Variants in CAMK2G observed in about 807,000 individuals in gnomAD.
The protein encoded by CAMK2G is calcium/calmodulin dependent protein kinase II gamma.
A neutral mutation model predicts 88.7 loss-of-function variants in CAMK2G; 23 were observed. The observed-to-expected ratio is 0.26, with a 90% confidence interval of 0.19 to 0.37. CAMK2G has a LOEUF of 0.37. Among genes scored for constraint, CAMK2G ranks in the 10% least tolerant of loss-of-function variants. The pLI, the probability that CAMK2G is intolerant of heterozygous loss-of-function variation, is 1.00. For synonymous variants in CAMK2G, 263 were observed against 294.8 expected, an observed-to-expected ratio of 0.89 and a Z score of 1.11; for missense variants, 476 against 780.8, an observed-to-expected ratio of 0.61 and a Z score of 4.65.
chr10:73,860,795 A>G (rs1429239655), intron 3 of CAMK2G, 35 bp downstream of exon 3: 1 of 1,535,046 alleles, frequency 6.5e-7, no homozygotes, highest in Non-Finnish European at 9.0e-7. Flanking sequence ...GCTTCTACAA[A>G]ATACCCACAA....
chr10:73,842,634 T>C lies in CAMK2G; in HGVS notation c.820-93A>G, dbSNP rs2093890865. 3 of 868,024 alleles carry C rather than the reference T, an allele frequency of 3.5e-6. No individual in the cohort carries two copies. Among genetic ancestry groups the C allele is most frequent in the African/African-American group, 3.3e-5 (2 of 60,390 alleles). 53.8% of individuals were successfully genotyped at this position (868,024 alleles called of 1,614,324 possible). On this transcript the variant is annotated intron_variant, in intron 10 of 22. Coordinates refer to ENST00000423381, the MANE Select transcript of CAMK2G (RefSeq NM_001367534.1). This position sits in a 1 kb window ranked among gnomAD's most constrained non-coding sequence, Gnocchi z 4.6. ...CGATACCATGCCCAGGACAGGGTCATGCACTCAGCCACCCCAGAGTTGCTC... is the reference window on the plus strand; with the variant it reads ...CGATACCATGCCCAGGACAGGGTCACGCACTCAGCCACCCCAGAGTTGCTC...
intron 19 of CAMK2G, 55 bp downstream of exon 19, chr10:73,819,477 G>A: frequency 7.9e-7 from 1 of 1,266,480 alleles, no homozygotes. Context: ...GTCCCTGAGG[G>A]GCTTCAGGAC....
At chr10:73,834,748 C>T (rs1042598840) in intron 14 of CAMK2G, among the ~76,000 whole-genome samples, 1 of 152,202 alleles carries the variant, frequency 6.6e-6, no homozygotes, top group Non-Finnish European at 1.5e-5. Context: ...AAGCTGGGCC[C>T]TGGATGTGCA....
chr10:73,815,370 C>T, intron 21 of CAMK2G, 123 bp from the exon 22 acceptor site: 1 of 570,218 alleles, frequency 1.8e-6, no homozygotes, highest in East Asian at 3.0e-5. Flanking sequence ...CCAAGTACCG[C>T]CCCCCCCCAC....
chr10:73,849,100 G>A lies in CAMK2G; in HGVS notation c.430C>T (p.Leu144=), dbSNP rs748230038. The A allele has an allele frequency of 1.2e-5, 19 of 1,613,860 alleles. No homozygotes were observed. In the East Asian group the frequency reaches 3.8e-4, roughly 32 times the overall value. ...GCGGCACCCTTGCATTTACTCGCCA[G>A]CAGCAGGTTCTCAGGCTGCAGAAGA... is the stretch of plus-strand genomic sequence containing the variant. ...HRDLKPENLL[L]ASKCKGAAVK... The change falls in exon 7 of 23, where the codon CTG becomes TTG. Residue 144 remains leucine, a synonymous_variant. Coordinates refer to ENST00000423381, the MANE Select transcript of CAMK2G (RefSeq NM_001367534.1).
intron 14 of CAMK2G, 38 bp from the exon 15 acceptor site, chr10:73,828,159 A>G (rs1237647665): frequency 6.4e-7 from 1 of 1,571,896 alleles, no homozygotes; most frequent in East Asian, 2.2e-5. Flanking sequence ...AGAAGGGGAA[A>G]GAGGAGGTAA....
Position 73,873,098 on chromosome 10 carries a change from G to A in CAMK2G, c.66-15C>T. The A allele has an allele frequency of 6.4e-7, 1 of 1,565,550 alleles. No individual in the cohort carries two copies. Among genetic ancestry groups the A allele is most frequent in the Non-Finnish European group, 8.8e-7 (1 of 1,136,054 alleles). On this transcript the variant is annotated splice_polypyrimidine_tract_variant and intron_variant, in intron 1 of 22. Transcript: ENST00000423381. ...AGAAAGCACCCCTGGAGGGAGAAGGGGAAAAGAACTGGGACACGGAGCAGG... is the reference window on the plus strand; with the variant it reads ...AGAAAGCACCCCTGGAGGGAGAAGGAGAAAAGAACTGGGACACGGAGCAGG...
At chr10:73,865,879 C>T (rs561382858) in intron 2 of CAMK2G, among the ~76,000 whole-genome samples, 8 of 152,024 alleles carry the variant, frequency 5.3e-5, no homozygotes, top group Middle Eastern at 3.4e-3. Flanking sequence ...ACAGCCCAGC[C>T]CCCCCCTTCC....
At chr10:73,858,661 C>A (rs2095216932) in intron 3 of CAMK2G, among the ~76,000 whole-genome samples, 1 of 152,198 alleles carries the variant, frequency 6.6e-6, no homozygotes, top group African/African-American at 2.4e-5. Flanking sequence ...TGTGCCCCAC[C>A]TGGCCTCTGA....
intron 21 of CAMK2G, chr10:73,815,840 A>T: frequency 1.0e-6 from 1 of 985,616 alleles, no homozygotes; most frequent in Non-Finnish European, 1.2e-6. Context: ...AAAAGGCAAA[A>T]GAAGTTGGAT....
At chr10:73,843,729 C>G (rs2093998421) in intron 10 of CAMK2G, among the ~76,000 whole-genome samples, 1 of 152,070 alleles carries the variant, frequency 6.6e-6, no homozygotes, top group African/African-American at 2.4e-5. Context: ...TTTCCCTCAC[C>G]CTTGGCCCAC....
chr10:73,869,399 T>C (rs1271853659), intron 2 of CAMK2G, among the ~76,000 whole-genome samples: 1 of 152,234 alleles, frequency 6.6e-6, no homozygotes, highest in African/African-American at 2.4e-5. Context: ...CTCTGCCTTA[T>C]GCCCCAAGCA....
intron 2 of CAMK2G, among the ~76,000 whole-genome samples, chr10:73,871,570 C>T (rs1025881207): frequency 1.3e-5 from 2 of 152,178 alleles, no homozygotes; most frequent in African/African-American, 2.4e-5. Context: ...CCTGCCTGCA[C>T]CTTCCATCCT....
At chr10:73,822,419 C>T (rs375520850) in intron 17 of CAMK2G, among the ~76,000 whole-genome samples, 2 of 152,146 alleles carry the variant, frequency 1.3e-5, no homozygotes, top group African/African-American at 4.8e-5. Flanking sequence ...CCACTCGCCT[C>T]GGCCTTCCAA....
At chr10:73,836,570 A>G (rs756859938) in intron 14 of CAMK2G, among the ~76,000 whole-genome samples, 7 of 152,116 alleles carry the variant, frequency 4.6e-5, no homozygotes, top group Non-Finnish European at 1.0e-4. Flanking sequence ...GCATGCAGAG[A>G]ATGAGGGAAA....
chr10:73,827,219 C>T (rs552682549), intron 15 of CAMK2G, among the ~76,000 whole-genome samples: 2 of 152,304 alleles, frequency 1.3e-5, no homozygotes, highest in East Asian at 3.9e-4. Context: ...CGGAGTCTAG[C>T]TCTGTCGCCC....
Position 73,815,067 on chromosome 10 carries a change from C to T in CAMK2G, c.1715G>A (p.Trp572Ter). Residue 572 changes from tryptophan (W) to a stop codon, truncating the protein, a stop_gained, in exon 22 of 23, where the codon TGG becomes TAG. Coordinates refer to ENST00000423381, the MANE Select transcript of CAMK2G (RefSeq NM_001367534.1). LOFTEE classifies it high-confidence loss of function. Reference protein sequence around the residue: ...TRVWHRRDGKWLNVHYHCSGA... With the variant: ...TRVWHRRDGK ...TGAGCAGTGATAGTGGACATTGAGC[C>T]ACTTGCCATCCCGACGGTGCCAGAC... The T allele has an allele frequency of 6.2e-7, 1 of 1,614,210 alleles. No individual in the cohort carries two copies. Among genetic ancestry groups the T allele is most frequent in the Non-Finnish European group, 8.5e-7 (1 of 1,180,034 alleles).
Position 73,820,663 on chromosome 10 carries a change from A to ATTTT in CAMK2G, c.1249+1015_1249+1018dup, listed in dbSNP as rs1198716305. Among the ~76,000 whole-genome samples, 50 of 46,130 alleles carry ATTTT rather than the reference A, an allele frequency of 1.1e-3. 2 individuals are homozygous for ATTTT. The East Asian group carries it at 0.049, about 46-fold the overall frequency. The allele number at this position is 46,130 out of a possible 152,430, so 30.3% of individuals were successfully genotyped here. A position where few individuals can be genotyped will look rare whatever the true frequency, so the allele number is the denominator to read the frequency against. ...AGGACCCCGCCACCACACCCGGCTA[A>ATTTT]TTTTTTTTTTTTTTTTTTTTTTTTT... On this transcript the variant is annotated intron_variant, in intron 18 of 22. Transcript: ENST00000423381.
intron 1 of CAMK2G, 98 bp downstream of exon 1, chr10:73,874,299 G>A (rs2095998808): frequency 1.3e-6 from 1 of 741,574 alleles, no homozygotes; most frequent in African/African-American, 1.9e-5. Flanking sequence ...GGCCGAGGGG[G>A]AGCCGCAGCG....
Sources: allele counts gnomAD v4.1 joint callset (sites outside exome capture counted in the v4.1 genomes callset), GRCh38; gene constraint gnomAD v4.1.1; non-coding constraint Gnocchi (gnomAD v3.1); transcripts MANE v1.5; gene names NCBI Gene and HGNC (gene_info 2026-07-23, HGNC 2026-07-21).